The following LAMC2 variants were observed in gnomAD, a reference collection of about 807,000 sequenced individuals.
The protein encoded by LAMC2 is laminin subunit gamma-2.
In LAMC2, 97 loss-of-function variants were observed where a neutral mutation model predicts 140.2. The observed-to-expected ratio is 0.69, with a 90% confidence interval of 0.59 to 0.82. The LOEUF (loss-of-function observed/expected upper bound fraction) is 0.82, where lower values mean the gene tolerates loss of function less well. LAMC2 is among the 40% of genes least tolerant of loss of function. LAMC2 has a pLI of 0.00. For missense variants in LAMC2, 1,402 were observed against 1,476.1 expected (o/e 0.95, Z 0.82); for synonymous variants, 513 against 540.2 (o/e 0.95, Z 0.70).
At chr1:183,241,256 A>G (rs1029061420) in intron 22 of LAMC2, 1 of 979,438 alleles carries the variant, frequency 1.0e-6, no homozygotes. Flanking sequence ...AAAAAAAAAA[A>G]AAAAAGGAAA....
At chr1:183,231,362 G>C (rs541891331) in intron 12 of LAMC2, among the ~76,000 whole-genome samples, 9 of 152,202 alleles carry the variant, frequency 5.9e-5, no homozygotes, top group African/African-American at 2.2e-4. Flanking sequence ...TAACTTAGTT[G>C]AGTTGAAAGG....
chr1:183,250,674 G>T, the LAMC2 span: 1 of 152,504 alleles, frequency 6.6e-6, no homozygotes, highest in Non-Finnish European at 1.5e-5. Flanking sequence ...GAACTCTAAA[G>T]TTTTTTTCAG....
intron 20 of LAMC2, 144 bp from the exon 21 acceptor site, chr1:183,239,896 C>T: frequency 1.1e-6 from 1 of 948,564 alleles, no homozygotes; most frequent in African/African-American, 1.6e-5. Context: ...TACCCCTGTC[C>T]CTAAGTCTGA....
intron 7 of LAMC2, among the ~76,000 whole-genome samples, 153 bp from the exon 8 acceptor site, chr1:183,225,455 A>T (rs1036056484): frequency 6.6e-6 from 1 of 152,196 alleles, no homozygotes; most frequent in Non-Finnish European, 1.5e-5. Context: ...GTCCAAGTAC[A>T]TGCCTATGAA....
chr1:183,218,270 G>T, intron 3 of LAMC2, 120 bp from the exon 4 acceptor site: 1 of 798,640 alleles, frequency 1.3e-6, no homozygotes, highest in East Asian at 2.6e-5. Context: ...GCTAGGAGAA[G>T]CCTCATCGAA....
chr1:183,238,519 A>G, intron 19 of LAMC2, 98 bp downstream of exon 19: 1 of 781,298 alleles, frequency 1.3e-6, no homozygotes, highest in South Asian at 1.4e-5. Flanking sequence ...TGGCAGGTAT[A>G]TTGGGATATT....
chr1:183,208,109 C>A lies in LAMC2; in HGVS notation c.268+40C>A, dbSNP rs754148220. On this transcript the variant is annotated intron_variant, in intron 2 of 22. Transcript: ENST00000264144. The stretch of plus-strand genomic sequence containing the variant: ...CGGAAAGAGGGAGAGGGAGATGGAG[C>A]AGTGGGGAGACAAGAGGGAAGGAAG... 6 of 1,529,168 alleles carry A rather than the reference C, an allele frequency of 3.9e-6. No homozygotes were observed. In the South Asian group the frequency reaches 5.6e-5, roughly 14 times the overall value. The allele number at this position is 1,529,168 out of a possible 1,614,324, so 94.7% of individuals were successfully genotyped here.
In LAMC2 at chr1:183,220,673, TG is replaced by T. The variant is rs1659439252; in HGVS notation, c.504-147del. On this transcript the variant is annotated intron_variant, in intron 4 of 22. Transcript: ENST00000264144. ...GATTGTCCATCTGGTGGTCTGGGGG[TG>T]GGGGTGATATGCAAAATCTGGTATT... The T allele has an allele frequency of 6.9e-6, 5 of 720,412 alleles. No homozygotes were observed. In the South Asian group the frequency reaches 8.4e-5, roughly 12 times the overall value. 44.6% of individuals were successfully genotyped at this position (720,412 alleles called of 1,614,324 possible).
At chr1:183,251,831 G>A in the LAMC2 span, 53 of 158,620 alleles carry the variant, frequency 3.3e-4, no homozygotes, top group African/African-American at 1.2e-3. Context: ...TTCAGAACCC[G>A]AAAATCTCAC....
At chr1:183,253,904 C>CGTGTGTGTGTGTGT in the LAMC2 span, among the ~76,000 whole-genome samples, 13 of 144,268 alleles carry the variant, frequency 9.0e-5, no homozygotes, top group Non-Finnish European at 1.8e-4. Flanking sequence ...GTTCCACTTC[C>CGTGTGTGTGTGTGT]GTGTGTGTGT....
At chr1:183,196,521 G>A (rs372670327) in intron 1 of LAMC2, among the ~76,000 whole-genome samples, 25 of 152,280 alleles carry the variant, frequency 1.6e-4, no homozygotes, top group African/African-American at 5.3e-4. Context: ...AACAACCTTT[G>A]CTAGATTTTT....
intron 12 of LAMC2, 101 bp downstream of exon 12, chr1:183,231,204 G>A (rs115441573): frequency 0.023 from 30,623 of 1,337,790 alleles, 1,020 homozygotes; most frequent in South Asian, 0.11. Context: ...CTAGTCTCCT[G>A]AGGATGGGAG....
chr1:183,226,092 T>C (rs914977125), intron 8 of LAMC2, among the ~76,000 whole-genome samples: 5 of 152,100 alleles, frequency 3.3e-5, no homozygotes, highest in African/African-American at 4.8e-5. Flanking sequence ...CTTTTGAGAT[T>C]ATACTCCATG....
intron 1 of LAMC2, among the ~76,000 whole-genome samples, chr1:183,202,223 C>CA (rs199561774): frequency 0.032 from 4,547 of 142,360 alleles, 113 homozygotes; most frequent in South Asian, 0.11. Context: ...ACAACAACAA[C>CA]AAAAAAAAAA....
At chr1:183,189,472 C>T (rs1658256350) in intron 1 of LAMC2, among the ~76,000 whole-genome samples, 2 of 152,160 alleles carry the variant, frequency 1.3e-5, no homozygotes, top group Admixed American at 1.3e-4. Flanking sequence ...GGTGAGGCTA[C>T]AGTGAGCTGA....
downstream of LAMC2, chr1:183,248,876 T>G (rs1227123532): frequency 6.6e-6 from 1 of 150,784 alleles, no homozygotes; most frequent in Non-Finnish European, 1.5e-5. Flanking sequence ...CTTCTCTCTC[T>G]TAGTCCCCTA....
chr1:183,245,691 A>T (rs1660227031), downstream of LAMC2, among the ~76,000 whole-genome samples: 6 of 152,246 alleles, frequency 3.9e-5, no homozygotes, highest in South Asian at 1.2e-3. Context: ...CTTTGTTAGG[A>T]TGCCACTTCA....
rs76876383 is a variant in LAMC2 at position 183,240,727 on chromosome 1, G to A, written c.3328+336G>A. 1.2e-3 allele frequency: 1,395 copies of A among 1,210,740 alleles called. 37 individuals are homozygous for A. The East Asian group carries it at 0.045, about 39-fold the overall frequency. The allele number at this position is 1,210,740 out of a possible 1,614,324, so 75.0% of individuals were successfully genotyped here. ...CTGGCCTGGACCCTGAGAAGCCAGT[G>A]GACAGTTTTAAGCAGAGGAATAACA... On this transcript the variant is annotated intron_variant, in intron 22 of 22. Transcript: ENST00000264144.
chr1:183,234,585 C>T (rs777506633), intron 15 of LAMC2, 139 bp downstream of exon 15: 60 of 745,020 alleles, frequency 8.1e-5, no homozygotes, highest in Non-Finnish European at 1.3e-4. Flanking sequence ...ACCTTGAAAC[C>T]AGTTTTTAAC....
Sources: gnomAD v4.1 joint callset for allele counts (sites outside exome capture counted in the v4.1 genomes callset) on GRCh38, gnomAD v4.1.1 for gene constraint, MANE v1.5 for transcripts, NCBI Gene and HGNC (gene_info 2026-07-23, HGNC 2026-07-21) for gene names.